GGACT: variants seen among roughly 807,000 people sequenced by gnomAD.
The protein encoded by GGACT is gamma-glutamylamine cyclotransferase.
For missense variants in GGACT, 241 were observed against 233.2 expected (o/e 1.03, Z -0.22); for synonymous variants, 118 against 115.3 (o/e 1.02, Z -0.15).
intron 2 of GGACT, among the ~76,000 whole-genome samples, chr13:100,540,481 C>T (rs1483047037): frequency 6.6e-6 from 1 of 152,170 alleles, no homozygotes; most frequent in African/African-American, 2.4e-5. Flanking sequence ...GATGTTTTCT[C>T]GTCCATTTCT....
intron 2 of GGACT, 76 bp from the exon 3 acceptor site, chr13:100,532,677 C>A (rs1415756664): frequency 1.6e-6 from 2 of 1,213,370 alleles, no homozygotes; most frequent in Non-Finnish European, 2.3e-6. Context: ...GGCTCCCGGC[C>A]CACAGAGCCT....
chr13:100,583,873 C>T lies in GGACT; in HGVS notation c.-59G>A, dbSNP rs1481663711. The T allele has an allele frequency of 6.6e-6, 1 of 152,212 alleles. No individual in the cohort carries two copies. Among genetic ancestry groups the T allele is most frequent in the Non-Finnish European group, 1.5e-5 (1 of 68,050 alleles). The allele number at this position is 152,212 out of a possible 1,614,324, so 9.4% of individuals were successfully genotyped here. ...AGTGTTGCCTTAGAATCCAGATCCA[C>T]AGTAAGCCTGAGAGTCTTAAAAACT... On this transcript the variant is annotated 5_prime_UTR_variant, in exon 2 of 3. It adds an upstream start codon to the 5' untranslated region. Coordinates refer to ENST00000683975, the MANE Select transcript of GGACT (RefSeq NM_001195087.2).
intron 2 of GGACT, among the ~76,000 whole-genome samples, chr13:100,535,521 C>T (rs1364175488): frequency 1.3e-5 from 2 of 152,168 alleles, no homozygotes; most frequent in Admixed American, 6.5e-5. Context: ...CCTCAGAGAC[C>T]GCGGTGGGTA....
rs147710327 is a variant in GGACT, at chr13:100,543,197, C to CTTTTTTTTTTTTTTTTTTT, written c.-10-10615_-10-10597dup. ...CAAAAGGATTTTAAAAAGACACCAG[C>CTTTTTTTTTTTTTTTTTTT]TTTTTTTTTTTTTTTTTTTTTTTTT... On this transcript the variant is annotated intron_variant, in intron 2 of 2. Coordinates refer to ENST00000683975, the MANE Select transcript of GGACT (RefSeq NM_001195087.2). Among the ~76,000 whole-genome samples the CTTTTTTTTTTTTTTTTTTT allele has an allele frequency of 1.0e-4, 7 of 69,902 alleles. 1 individual carries two copies. The highest frequency in any genetic ancestry group is 3.1e-4 in the African/African-American group (5 of 16,184). 45.9% of individuals were successfully genotyped at this position (69,902 alleles called of 152,430 possible).
rs993905873 is a variant in GGACT, at chr13:100,530,377, TCTG to T, written c.*1750_*1752del. ...AATACTTGTACATATGATTTGTACT[TCTG>T]CTGTGAGATTCCCTAGTGTCAAAAT... On this transcript the variant is annotated 3_prime_UTR_variant, in exon 3 of 3. Transcript: ENST00000683975. 4 of 616,284 alleles carry T rather than the reference TCTG, an allele frequency of 6.5e-6. No homozygotes were observed. Among genetic ancestry groups the T allele is most frequent in the African/African-American group, 3.7e-5 (2 of 54,538 alleles). The allele number at this position is 616,284 out of a possible 1,614,324, so 38.2% of individuals were successfully genotyped here.
chr13:100,554,850 A>C (rs2088697594), intron 2 of GGACT, among the ~76,000 whole-genome samples: 1 of 152,216 alleles, frequency 6.6e-6, no homozygotes, highest in African/African-American at 2.4e-5. Flanking sequence ...AGAAATCATC[A>C]GTATAAGAAA....
chr13:100,577,450 T>TAAATAAATAAATAAAA (rs1363232308), intron 2 of GGACT, among the ~76,000 whole-genome samples: 6 of 148,608 alleles, frequency 4.0e-5, no homozygotes, highest in East Asian at 1.9e-4. Flanking sequence ...AATAAATAAA[T>TAAATAAATAAATAAAA]AAAAAGAAAA....
At chr13:100,571,309 G>A (rs576738258) in intron 2 of GGACT, among the ~76,000 whole-genome samples, 7 of 152,268 alleles carry the variant, frequency 4.6e-5, no homozygotes, top group Admixed American at 3.3e-4. Context: ...CTGTGTCTTC[G>A]CAAGGAAAAT....
At chr13:100,542,362 C>T (rs927660660) in intron 2 of GGACT, among the ~76,000 whole-genome samples, 4 of 152,168 alleles carry the variant, frequency 2.6e-5, no homozygotes, top group Non-Finnish European at 4.4e-5. Flanking sequence ...TGCCCTAGGA[C>T]GCTGGCCTTA....
chr13:100,581,858 A>G (rs535014982), intron 2 of GGACT, among the ~76,000 whole-genome samples: 11 of 152,204 alleles, frequency 7.2e-5, no homozygotes, highest in Admixed American at 1.3e-4. Context: ...TCTTCCTCCC[A>G]ATCCCCACAC....
At chr13:100,538,974 G>C (rs1049028074) in intron 2 of GGACT, 2 of 152,080 alleles carry the variant, frequency 1.3e-5, no homozygotes, top group Non-Finnish European at 2.9e-5. Context: ...TATTCTTTTT[G>C]ATGCTATCAT....
intron 2 of GGACT, among the ~76,000 whole-genome samples, chr13:100,562,621 C>T: frequency 6.6e-6 from 1 of 151,948 alleles, no homozygotes; most frequent in East Asian, 1.9e-4. Flanking sequence ...CATAGTAAAA[C>T]CCCGTCTCTA....
At chr13:100,547,890 C>G (rs548776714) in intron 2 of GGACT, among the ~76,000 whole-genome samples, 2 of 152,362 alleles carry the variant, frequency 1.3e-5, no homozygotes, top group African/African-American at 2.4e-5. Context: ...TGAGTTCCCA[C>G]GAAGAAACAC....
chr13:100,574,469 A>G (rs780556983), intron 2 of GGACT, among the ~76,000 whole-genome samples: 1 of 152,140 alleles, frequency 6.6e-6, no homozygotes, highest in African/African-American at 2.4e-5. Flanking sequence ...CTAGCTACTC[A>G]AGAGGCTGAG....
At chr13:100,556,218 C>T (rs907897116) in intron 2 of GGACT, among the ~76,000 whole-genome samples, 5 of 152,160 alleles carry the variant, frequency 3.3e-5, no homozygotes, top group African/African-American at 7.2e-5. Context: ...ACTGTCAGTA[C>T]AGAAAATCCT....
At position 100,531,447 on chromosome 13, in the gene GGACT, C is replaced by T. The variant is rs1402854136; in HGVS notation, c.*683G>A. Reference sequence around the variant, plus strand: ...AGTCCGGGCGCTCAGCTGTGTCTACCAGCAAGTGGGTGTTCATTATTTTGC... The same window carrying T: ...AGTCCGGGCGCTCAGCTGTGTCTACTAGCAAGTGGGTGTTCATTATTTTGC... On this transcript the variant is annotated 3_prime_UTR_variant, in exon 3 of 3. Coordinates refer to ENST00000683975, the MANE Select transcript of GGACT (RefSeq NM_001195087.2). 1.3e-5 allele frequency: 2 copies of T among 152,200 alleles called. No homozygotes were observed. The highest frequency in any genetic ancestry group is 4.8e-5 in the African/African-American group (2 of 41,444). 9.4% of individuals were successfully genotyped at this position (152,200 alleles called of 1,614,324 possible).
At chr13:100,538,817 T>C (rs1280681716) in intron 2 of GGACT, 2 of 152,284 alleles carry the variant, frequency 1.3e-5, no homozygotes, top group African/African-American at 4.8e-5. Flanking sequence ...TTAGGAAATA[T>C]TGACATCTGA....
At chr13:100,576,946 G>A (rs978049349) in intron 2 of GGACT, among the ~76,000 whole-genome samples, 2 of 152,142 alleles carry the variant, frequency 1.3e-5, no homozygotes, top group African/African-American at 2.4e-5. Flanking sequence ...AAGCATGAGA[G>A]CATGCAACTA....
chr13:100,553,801 G>T lies in GGACT; in HGVS notation c.-10-21200C>A, dbSNP rs563056321. 2.1e-5 allele frequency among the ~76,000 whole-genome samples: 3 copies of T among 140,964 alleles called. 1 individual carries two copies. In the East Asian group the frequency reaches 6.3e-4, roughly 30 times the overall value. 92.5% of individuals were successfully genotyped at this position (140,964 alleles called of 152,430 possible). ...AGAGGTTGCAGTGAGCCAAGATCGC[G>T]CCACTGCACTCCAGCGGGGGTGACG... On this transcript the variant is annotated intron_variant, in intron 2 of 2. Coordinates refer to ENST00000683975, the MANE Select transcript of GGACT (RefSeq NM_001195087.2).
Sources: allele counts gnomAD v4.1 joint callset (sites outside exome capture counted in the v4.1 genomes callset), GRCh38; gene constraint gnomAD v4.1.1; transcripts MANE v1.5; gene names NCBI Gene and HGNC (gene_info 2026-07-23, HGNC 2026-07-21).